Variants in COL4A1 observed in about 807,000 individuals in gnomAD.
COL4A1 encodes collagen type IV alpha 1 chain.
Under a neutral mutation model 216.6 loss-of-function variants are expected in COL4A1, and 40 were observed. The observed-to-expected ratio is 0.18, with a 90% CI of 0.14 to 0.24. The LOEUF (loss-of-function observed/expected upper bound fraction) is 0.24, where lower values mean the gene tolerates loss of function less well. COL4A1 is among the 10% of genes least tolerant of loss of function. COL4A1 has a pLI of 1.00. For synonymous variants in COL4A1, 839 were observed against 810.7 expected (o/e 1.03, Z -0.59); for missense variants, 1,628 against 2,196.8 (o/e 0.74, Z 5.18).
At chr13:110,229,997 C>T (rs1480002104) in intron 2 of COL4A1, among the ~76,000 whole-genome samples, 2 of 152,170 alleles carry the variant, frequency 1.3e-5, no homozygotes, top group Admixed American at 1.3e-4. Flanking sequence ...TCTCCTGTCC[C>T]CTTCCACAGC....
chr13:110,174,915 GA>G (rs1404736318), intron 37 of COL4A1, among the ~76,000 whole-genome samples, 166 bp from the exon 38 acceptor site: 1 of 152,188 alleles, frequency 6.6e-6, no homozygotes, highest in Non-Finnish European at 1.5e-5. Flanking sequence ...GAATGGAGAG[GA>G]AAACTTAAGA....
intron 1 of COL4A1, among the ~76,000 whole-genome samples, chr13:110,254,470 C>T (rs1270703169): frequency 1.3e-5 from 2 of 152,090 alleles, no homozygotes; most frequent in African/African-American, 4.8e-5. Context: ...TCTATTTATC[C>T]CACTGCGTTC....
chr13:110,208,983 G>T, intron 11 of COL4A1, 93 bp from the exon 12 acceptor site: 1 of 1,282,522 alleles, frequency 7.8e-7, no homozygotes, highest in Non-Finnish European at 1.1e-6. Flanking sequence ...TAAGATGGTA[G>T]ATTTCAGGCA....
chr13:110,226,260 G>A (rs927120945), intron 2 of COL4A1, among the ~76,000 whole-genome samples: 2 of 152,164 alleles, frequency 1.3e-5, no homozygotes, highest in Non-Finnish European at 2.9e-5. Context: ...TATACTCAAG[G>A]TTTTGTGTTT....
At chr13:110,212,345 A>G in intron 6 of COL4A1, 72 bp downstream of exon 6, 1 of 1,560,056 alleles carries the variant, frequency 6.4e-7, no homozygotes, top group Non-Finnish European at 8.8e-7. Context: ...ACAGAATCAC[A>G]CTACCTGACT....
At chr13:110,250,156 A>G (rs1882007815) in intron 1 of COL4A1, among the ~76,000 whole-genome samples, 1 of 151,914 alleles carries the variant, frequency 6.6e-6, no homozygotes, top group Admixed American at 6.6e-5. Context: ...GAGTTACACA[A>G]TATTTCTGCC....
At chr13:110,205,825 T>C (rs1354638064) in intron 15 of COL4A1, among the ~76,000 whole-genome samples, 3 of 151,950 alleles carry the variant, frequency 2.0e-5, no homozygotes, top group African/African-American at 7.3e-5. Flanking sequence ...ATCACACCAT[T>C]GCACTCCAGC....
intron 1 of COL4A1, among the ~76,000 whole-genome samples, chr13:110,296,078 T>C (rs1884263558): frequency 6.6e-6 from 1 of 152,238 alleles, no homozygotes; most frequent in Non-Finnish European, 1.5e-5. Context: ...CTCTGCCCTA[T>C]TAAACTAGGA....
chr13:110,158,865 C>A (rs1876928432), intron 49 of COL4A1, among the ~76,000 whole-genome samples: 1 of 151,826 alleles, frequency 6.6e-6, no homozygotes, highest in African/African-American at 2.4e-5. Flanking sequence ...GCCTCAGCCT[C>A]CTGAGTAGCT....
intron 1 of COL4A1, among the ~76,000 whole-genome samples, chr13:110,279,974 T>G (rs1053644698): frequency 1.3e-5 from 2 of 152,198 alleles, no homozygotes; most frequent in African/African-American, 2.4e-5. Context: ...TGAACTCCAG[T>G]GTCTGCACAT....
intron 2 of COL4A1, among the ~76,000 whole-genome samples, chr13:110,228,055 G>T (rs1484559739): frequency 6.6e-6 from 1 of 152,228 alleles, no homozygotes; most frequent in African/African-American, 2.4e-5. Context: ...CCGGTGACAG[G>T]TGGGAAAGGG....
intron 1 of COL4A1, among the ~76,000 whole-genome samples, chr13:110,279,642 T>A: frequency 6.6e-6 from 1 of 152,202 alleles, no homozygotes; most frequent in East Asian, 1.9e-4. Context: ...GGGGAAAACC[T>A]CCTAGCATCA....
chr13:110,229,501 G>A (rs944874881), intron 2 of COL4A1, among the ~76,000 whole-genome samples: 2 of 152,174 alleles, frequency 1.3e-5, no homozygotes, highest in Non-Finnish European at 2.9e-5. Flanking sequence ...CACTGTACGT[G>A]TCCTGCATCC....
chr13:110,202,812 A>T lies in COL4A1; in HGVS notation c.999+754T>A, dbSNP rs150949400. 3.4e-3 allele frequency among the ~76,000 whole-genome samples: 525 copies of T among 152,366 alleles called. 4 individuals carry two copies. Among genetic ancestry groups the T allele is most frequent in the African/African-American group, 0.012 (506 of 41,578 alleles). On this transcript the variant is annotated intron_variant, in intron 18 of 51. Transcript: ENST00000375820. The stretch of plus-strand genomic sequence containing the variant: ...ATGCAAAATATGTATGTTGACCAGT[A>T]GTAAAATGTTATTTGCAAAAATAAA...
At chr13:110,217,037 T>C (rs1880120195) in intron 2 of COL4A1, among the ~76,000 whole-genome samples, 1 of 152,356 alleles carries the variant, frequency 6.6e-6, no homozygotes. Flanking sequence ...GACTCCTCCA[T>C]GGACATGGTT....
chr13:110,245,075 G>A (rs955284781), intron 1 of COL4A1, among the ~76,000 whole-genome samples: 25 of 152,094 alleles, frequency 1.6e-4, no homozygotes, highest in Non-Finnish European at 2.5e-4. Context: ...CAGTGCATTC[G>A]TGCACAACAG....
chr13:110,197,940 G>A (rs1878978821), intron 21 of COL4A1, among the ~76,000 whole-genome samples: 1 of 152,200 alleles, frequency 6.6e-6, no homozygotes, highest in African/African-American at 2.4e-5. Flanking sequence ...CTTTGGTATT[G>A]TATTGGGACC....
At chr13:110,165,906 A>G (rs1053341306) in intron 45 of COL4A1, among the ~76,000 whole-genome samples, 1 of 152,094 alleles carries the variant, frequency 6.6e-6, no homozygotes, top group Non-Finnish European at 1.5e-5. Flanking sequence ...CTTTCCTATT[A>G]TAACTTTCAG....
intron 2 of COL4A1, among the ~76,000 whole-genome samples, chr13:110,219,962 A>ATGTGTG (rs1880391091): frequency 3.0e-5 from 1 of 32,846 alleles, no homozygotes. Context: ...ACATACATAC[A>ATGTGTG]TATACATATA....
Sources: allele counts gnomAD v4.1 joint callset (sites outside exome capture counted in the v4.1 genomes callset), GRCh38; gene constraint gnomAD v4.1.1; transcripts MANE v1.5; gene names NCBI Gene and HGNC (gene_info 2026-07-23, HGNC 2026-07-21).